RGMA: variants seen among roughly 807,000 people sequenced by gnomAD.
RGMA encodes the protein repulsive guidance molecule BMP co-receptor a.
A neutral mutation model predicts 23.2 loss-of-function variants in RGMA; 10 were observed. The ratio of observed to expected loss-of-function variants is 0.43; its 90% CI spans 0.27 to 0.73. The LOEUF is 0.73. RGMA is among the 30% of genes least tolerant of loss of function. RGMA has a pLI of 0.20. For synonymous variants in RGMA, 308 were observed against 279.3 expected, an observed-to-expected ratio of 1.10 and a Z score of -1.03; for missense variants, 547 against 630.5, an observed-to-expected ratio of 0.87 and a Z score of 1.42.
At chr15:93,084,530 T>C (rs1428178255) in intron 1 of RGMA, among the ~76,000 whole-genome samples, 5 of 151,970 alleles carry the variant, frequency 3.3e-5, no homozygotes, top group Non-Finnish European at 4.4e-5. Flanking sequence ...TGGAGTGCAG[T>C]GGTGTGATCT....
chr15:93,050,937 G>C (rs1014702003), intron 3 of RGMA, among the ~76,000 whole-genome samples: 3 of 152,180 alleles, frequency 2.0e-5, no homozygotes, highest in African/African-American at 7.2e-5. Context: ...TGCAGGGGCC[G>C]TGGGGGAGGT....
In RGMA at chr15:93,052,362, G is replaced by A; in HGVS notation, c.276C>T (p.Thr92=). The A allele has an allele frequency of 1.2e-6, 2 of 1,600,828 alleles. No individual in the cohort carries two copies. The highest frequency in any genetic ancestry group is 1.7e-6 in the Non-Finnish European group (2 of 1,179,428). ...YALCTRRTAR[T]CRGDLAYHSA... Reference sequence around the variant, plus strand: ...AGTGGTAGGCCAGGTCACCCCGGCAGGTGCGGGCCGTCCGCCGCGTGCACA... The same window carrying A: ...AGTGGTAGGCCAGGTCACCCCGGCAAGTGCGGGCCGTCCGCCGCGTGCACA... Residue 92 remains threonine (T), a synonymous_variant, in exon 3 of 4, where the codon ACC becomes ACT. Transcript: ENST00000329082.
intron 1 of RGMA, among the ~76,000 whole-genome samples, chr15:93,086,572 G>A (rs756099378): frequency 7.9e-5 from 12 of 152,142 alleles, no homozygotes; most frequent in Non-Finnish European, 1.6e-4. Flanking sequence ...TATCCCTTCT[G>A]CTTTCTGGCC....
chr15:93,065,088 C>T (rs1895098959), intron 2 of RGMA, among the ~76,000 whole-genome samples: 1 of 151,976 alleles, frequency 6.6e-6, no homozygotes, highest in African/African-American at 2.4e-5. Context: ...AGCAATTCTT[C>T]TGCCTCAGCC....
At position 93,042,105 on chromosome 15, in the gene RGMA, G is replaced by C. The variant is rs2054731690; in HGVS notation, c.*2893C>G. 1 of 152,382 alleles carries C rather than the reference G, an allele frequency of 6.6e-6. No homozygotes were observed. The highest frequency in any genetic ancestry group is 2.1e-4 in the South Asian group (1 of 4,836). 9.4% of individuals were successfully genotyped at this position (152,382 alleles called of 1,614,324 possible). A position where few individuals can be genotyped will look rare whatever the true frequency, so the allele number is the denominator to read the frequency against. On this transcript the variant is annotated 3_prime_UTR_variant, in exon 4 of 4. Coordinates refer to ENST00000329082, the MANE Select transcript of RGMA (RefSeq NM_020211.3). ...TTGAACCTGGGAGGCAGGGGCTGCA[G>C]TGAGCTGGGATGGTGCCACTGCACT... is the stretch of plus-strand genomic sequence containing the variant.
At chr15:93,082,445 TAA>T (rs1174089602) in intron 1 of RGMA, among the ~76,000 whole-genome samples, 1 of 152,228 alleles carries the variant, frequency 6.6e-6, no homozygotes, top group Non-Finnish European at 1.5e-5. Context: ...GACTCATTTC[TAA>T]GTCTTGTCTA....
chr15:93,056,703 C>T (rs2055020394), intron 2 of RGMA, among the ~76,000 whole-genome samples: 1 of 152,232 alleles, frequency 6.6e-6, no homozygotes, highest in Non-Finnish European at 1.5e-5. Context: ...AGGGCCAGCA[C>T]AGGCCCTGAA....
chr15:93,086,342 T>C (rs1895634582), intron 1 of RGMA, among the ~76,000 whole-genome samples: 1 of 152,188 alleles, frequency 6.6e-6, no homozygotes, highest in Admixed American at 6.5e-5. Context: ...CCTTCTATGT[T>C]TTTGCTCAAT....
At chr15:93,085,397 G>A (rs960966680) in intron 1 of RGMA, among the ~76,000 whole-genome samples, 2 of 152,226 alleles carry the variant, frequency 1.3e-5, no homozygotes, top group African/African-American at 4.8e-5. Flanking sequence ...ATAGTTGACA[G>A]AGTCTTTAAA....
chr15:93,046,485 A>G (rs2054826624), intron 3 of RGMA, among the ~76,000 whole-genome samples: 1 of 152,184 alleles, frequency 6.6e-6, no homozygotes, highest in South Asian at 2.1e-4. Context: ...AGTTTATGCT[A>G]ATTTGCTACA....
At chr15:93,075,569 G>T (rs554048437) in intron 1 of RGMA, among the ~76,000 whole-genome samples, 85 of 151,096 alleles carry the variant, frequency 5.6e-4, no homozygotes, top group Middle Eastern at 3.4e-3. Context: ...TAAAGCCTGA[G>T]AATTTTTTTT....
chr15:93,053,148 C>T (rs1046132782), intron 2 of RGMA, among the ~76,000 whole-genome samples: 2 of 152,206 alleles, frequency 1.3e-5, no homozygotes, highest in Non-Finnish European at 2.9e-5. Context: ...TGACCATAGC[C>T]CCATCCTCTG....
At chr15:93,053,941 A>C (rs1027038852) in intron 2 of RGMA, among the ~76,000 whole-genome samples, 1 of 152,178 alleles carries the variant, frequency 6.6e-6, no homozygotes, top group African/African-American at 2.4e-5. Context: ...TTAAGAAAAA[A>C]AAATTGCTGG....
At chr15:93,049,550 A>C (rs1410704088) in intron 3 of RGMA, among the ~76,000 whole-genome samples, 1 of 152,186 alleles carries the variant, frequency 6.6e-6, no homozygotes, top group African/African-American at 2.4e-5. Context: ...CACGTAGAAA[A>C]CACTAGATCT....
chr15:93,054,740 G>A (rs1244239567), intron 2 of RGMA, among the ~76,000 whole-genome samples: 1 of 152,138 alleles, frequency 6.6e-6, no homozygotes, highest in Non-Finnish European at 1.5e-5. Flanking sequence ...TAGATACGTG[G>A]GGGGCACTGG....
At chr15:93,078,016 G>C (rs1054768163) in intron 1 of RGMA, among the ~76,000 whole-genome samples, 1 of 152,154 alleles carries the variant, frequency 6.6e-6, no homozygotes. Context: ...CTGACATCTT[G>C]TTTTTACTTA....
At position 93,043,222 on chromosome 15, in the gene RGMA, G is replaced by GCA; in HGVS notation, c.*1775_*1776insTG. 1 of 63,850 alleles carries GCA rather than the reference G, an allele frequency of 1.6e-5. No individual in the cohort carries two copies. Among genetic ancestry groups the GCA allele is most frequent in the Non-Finnish European group, 4.1e-5 (1 of 24,500 alleles). The allele number at this position is 63,850 out of a possible 1,614,324, so 4.0% of individuals were successfully genotyped here. A position where few individuals can be genotyped will look rare whatever the true frequency, so the allele number is the denominator to read the frequency against. On this transcript the variant is annotated 3_prime_UTR_variant, in exon 4 of 4. Coordinates refer to ENST00000329082, the MANE Select transcript of RGMA (RefSeq NM_020211.3). ...TAGGCATGGGCGCACACACAGGCAT[G>GCA]CGCACACATGCGTACATGCACGCAC...
chr15:93,073,235 C>T, intron 1 of RGMA: 3 of 1,122,588 alleles, frequency 2.7e-6, no homozygotes, highest in Non-Finnish European at 3.3e-6. Context: ...TCGACGCGGC[C>T]CCGCGCCCCA....
intron 2 of RGMA, among the ~76,000 whole-genome samples, chr15:93,057,548 G>A (rs1596088983): frequency 6.6e-6 from 1 of 152,242 alleles, no homozygotes; most frequent in Non-Finnish European, 1.5e-5. Context: ...CCTCCAGAAC[G>A]CTGAGAAAAT....
Sources: allele counts gnomAD v4.1 joint callset (sites outside exome capture counted in the v4.1 genomes callset), GRCh38; gene constraint gnomAD v4.1.1; transcripts MANE v1.5; gene names NCBI Gene and HGNC (gene_info 2026-07-23, HGNC 2026-07-21).